Variants in FANCC observed in about 807,000 individuals in gnomAD.
FANCC encodes Fanconi anemia group C protein.
In FANCC, 55 loss-of-function variants were observed where a neutral mutation model predicts 71.3. The ratio of observed to expected loss-of-function variants is 0.77; its 90% CI spans 0.62 to 0.97. The LOEUF (loss-of-function observed/expected upper bound fraction) is 0.97. Ranked by LOEUF, FANCC falls within the 50% of genes least tolerant of loss-of-function variation. The probability of loss-of-function intolerance (pLI) is 0.00; values close to 1 mark genes in which losing one functional copy is unlikely to be tolerated. For missense variants in FANCC, 678 were observed against 670.9 expected (o/e 1.01, Z -0.12); for synonymous variants, 275 against 244.9 (o/e 1.12, Z -1.15).
chr9:95,119,908 T>TA (rs1466992983), intron 10 of FANCC, among the ~76,000 whole-genome samples: 3 of 152,170 alleles, frequency 2.0e-5, no homozygotes, highest in Admixed American at 2.0e-4. Context: ...AAAGGGGTCT[T>TA]ACTTTGTTGC....
chr9:95,173,468 G>C (rs2135597200), intron 4 of FANCC, among the ~76,000 whole-genome samples: 1 of 152,308 alleles, frequency 6.6e-6, no homozygotes, highest in African/African-American at 2.4e-5. Flanking sequence ...TTTGATATAT[G>C]TGGCATACAT....
At chr9:95,261,967 G>A (rs1832079362) in intron 1 of FANCC, among the ~76,000 whole-genome samples, 1 of 152,134 alleles carries the variant, frequency 6.6e-6, no homozygotes, top group Non-Finnish European at 1.5e-5. Context: ...ATACTGAAAA[G>A]GAACCAGTTC....
intron 4 of FANCC, among the ~76,000 whole-genome samples, chr9:95,208,685 G>A (rs1322548602): frequency 6.6e-6 from 1 of 152,042 alleles, no homozygotes; most frequent in East Asian, 1.9e-4. Context: ...TTAAAACAAC[G>A]AGATACCACT....
chr9:95,164,711 T>A (rs1288530673), intron 6 of FANCC, among the ~76,000 whole-genome samples: 1 of 152,192 alleles, frequency 6.6e-6, no homozygotes, highest in African/African-American at 2.4e-5. Flanking sequence ...TTGCTGAGAA[T>A]CCTTCCATCA....
intron 4 of FANCC, among the ~76,000 whole-genome samples, chr9:95,194,937 C>T (rs763899688): frequency 1.9e-4 from 29 of 152,106 alleles, no homozygotes; most frequent in African/African-American, 6.3e-4. Flanking sequence ...TGGTGGCTCA[C>T]GCCTGTAATC....
At chr9:95,254,731 G>A (rs1356542138) in intron 1 of FANCC, among the ~76,000 whole-genome samples, 6 of 152,220 alleles carry the variant, frequency 3.9e-5, no homozygotes, top group Non-Finnish European at 8.8e-5. Context: ...AGACAGAACC[G>A]TTCACTCCCT....
intron 4 of FANCC, among the ~76,000 whole-genome samples, chr9:95,227,528 T>G (rs1489489995): frequency 1.3e-5 from 2 of 152,220 alleles, no homozygotes; most frequent in Non-Finnish European, 2.9e-5. Flanking sequence ...ATTAGTCTCC[T>G]AAAACCTAAC....
chr9:95,136,899 T>C (rs998767092), intron 7 of FANCC, among the ~76,000 whole-genome samples: 2 of 152,164 alleles, frequency 1.3e-5, no homozygotes, highest in Non-Finnish European at 2.9e-5. Context: ...GAGGGGCACA[T>C]GTCTGTCTCT....
intron 13 of FANCC, chr9:95,110,863 C>G (rs2071860332): frequency 5.9e-6 from 7 of 1,193,724 alleles, no homozygotes; most frequent in Non-Finnish European, 7.3e-6. Context: ...TAACAACTGT[C>G]TTTGCCACAG....
chr9:95,310,638 C>T (rs969095106), intron 1 of FANCC, among the ~76,000 whole-genome samples: 34 of 152,160 alleles, frequency 2.2e-4, no homozygotes, highest in South Asian at 4.2e-4. Context: ...ATGACTGTGA[C>T]GAATCAATAA....
intron 1 of FANCC, among the ~76,000 whole-genome samples, chr9:95,262,239 T>C (rs756179688): frequency 2.0e-5 from 3 of 151,904 alleles, no homozygotes; most frequent in Admixed American, 6.6e-5. Flanking sequence ...GAGAAGGATA[T>C]ATTCAAAAAC....
intron 1 of FANCC, among the ~76,000 whole-genome samples, chr9:95,254,531 A>C (rs1325547880): frequency 6.6e-6 from 1 of 152,190 alleles, no homozygotes; most frequent in African/African-American, 2.4e-5. Flanking sequence ...TGCCGTGAGG[A>C]ATGGTGCATT....
chr9:95,262,997 G>A (rs1269047882), intron 1 of FANCC, among the ~76,000 whole-genome samples: 1 of 152,168 alleles, frequency 6.6e-6, no homozygotes, highest in Admixed American at 6.5e-5. Flanking sequence ...TGGGATAACG[G>A]GAAAGTTCTG....
intron 10 of FANCC, among the ~76,000 whole-genome samples, chr9:95,119,322 C>T (rs2072681322): frequency 6.6e-6 from 1 of 152,060 alleles, no homozygotes; most frequent in South Asian, 2.1e-4. Flanking sequence ...ATATTTTCTC[C>T]TAGCTAACGG....
intron 7 of FANCC, among the ~76,000 whole-genome samples, chr9:95,149,594 T>G (rs935442830): frequency 6.6e-6 from 1 of 151,908 alleles, no homozygotes; most frequent in Non-Finnish European, 1.5e-5. Flanking sequence ...TCCTCCTGAC[T>G]CAGCCCCCCT....
At chr9:95,314,731 A>G (rs917696231) in intron 1 of FANCC, among the ~76,000 whole-genome samples, 4 of 152,184 alleles carry the variant, frequency 2.6e-5, no homozygotes, top group Non-Finnish European at 5.9e-5. Context: ...TTCAATTCAC[A>G]ATACCATCAA....
At chr9:95,287,354 T>C (rs747118973) in intron 1 of FANCC, among the ~76,000 whole-genome samples, 6 of 152,224 alleles carry the variant, frequency 3.9e-5, no homozygotes, top group Non-Finnish European at 8.8e-5. Flanking sequence ...AAGGAGGAAC[T>C]ATCATTTTTT....
At chr9:95,251,480 T>C (rs1470791710) in intron 1 of FANCC, among the ~76,000 whole-genome samples, 1 of 152,082 alleles carries the variant, frequency 6.6e-6, no homozygotes, top group African/African-American at 2.4e-5. Flanking sequence ...CACGCCCGGC[T>C]AATTTTTGTA....
At chr9:95,172,717 C>T (rs781043098) in intron 4 of FANCC, among the ~76,000 whole-genome samples, 29 of 151,906 alleles carry the variant, frequency 1.9e-4, no homozygotes, top group Admixed American at 3.3e-4. Context: ...AGATTCTCAC[C>T]GGGTATTATT....
Sources: allele counts gnomAD v4.1 joint callset (sites outside exome capture counted in the v4.1 genomes callset), GRCh38; gene constraint gnomAD v4.1.1; transcripts MANE v1.5; gene names NCBI Gene and HGNC (gene_info 2026-07-23, HGNC 2026-07-21).